The following CADM1 variants were observed in gnomAD, a reference collection of about 807,000 sequenced individuals.
CADM1 encodes the protein cell adhesion molecule 1, also known as TSLC-1.
CADM1 carries 15 observed loss-of-function variants against 53.1 expected under a neutral mutation model. The observed-to-expected ratio is 0.28, with a 90% CI of 0.19 to 0.44. The LOEUF (loss-of-function observed/expected upper bound fraction) is 0.44. Ranked by LOEUF, CADM1 falls within the 20% of genes least tolerant of loss-of-function variation. The probability of loss-of-function intolerance (pLI) is 1.00; values close to 1 mark genes in which losing one functional copy is unlikely to be tolerated. For synonymous variants in CADM1, 281 were observed against 243.0 expected (o/e 1.16, Z -1.45); for missense variants, 434 against 611.3 (o/e 0.71, Z 3.06).
At position 115,253,871 on chromosome 11, in the gene CADM1, ATT is replaced by A. The variant is rs1942688449; in HGVS notation, c.125-13453_125-13452del. On this transcript the variant is annotated intron_variant, in intron 1 of 11. Transcript: ENST00000331581. ...TCATTACATGGATAGCTCTGTGATTATTTGTTTATAGGGTTATTTCCTTCATT... is the reference window on the plus strand; with the variant it reads ...TCATTACATGGATAGCTCTGTGATTATGTTTATAGGGTTATTTCCTTCATT... Among the ~76,000 whole-genome samples the A allele has an allele frequency of 4.6e-5, 7 of 152,264 alleles. No homozygotes were observed. In the South Asian group the frequency reaches 1.5e-3, roughly 32 times the overall value.
intron 5 of CADM1, among the ~76,000 whole-genome samples, chr11:115,226,296 T>C (rs184043015): frequency 6.6e-6 from 1 of 152,310 alleles, no homozygotes; most frequent in African/African-American, 2.4e-5. Context: ...AGATGATGCA[T>C]GAACATGGCA....
intron 1 of CADM1, among the ~76,000 whole-genome samples, chr11:115,280,678 T>A (rs551579427): frequency 6.6e-6 from 1 of 152,308 alleles, no homozygotes; most frequent in South Asian, 2.1e-4. Flanking sequence ...ACGACTCAGA[T>A]CTTCACAGAT....
intron 7 of CADM1, among the ~76,000 whole-genome samples, chr11:115,210,529 A>C (rs1158007972): frequency 6.6e-6 from 1 of 152,202 alleles, no homozygotes; most frequent in South Asian, 2.1e-4. Flanking sequence ...AAGAGAAAAA[A>C]AAATTCTAAG....
At chr11:115,390,343 T>C (rs1434904290) in intron 1 of CADM1, among the ~76,000 whole-genome samples, 2 of 151,346 alleles carry the variant, frequency 1.3e-5, no homozygotes, top group Non-Finnish European at 1.5e-5. Context: ...AATGGTGATA[T>C]TCACTGAGAG....
At chr11:115,295,957 T>C (rs1342625060) in intron 1 of CADM1, among the ~76,000 whole-genome samples, 1 of 152,154 alleles carries the variant, frequency 6.6e-6, no homozygotes, top group Non-Finnish European at 1.5e-5. Flanking sequence ...TCTTTTCTTA[T>C]ATATTTTTTA....
At position 115,231,593 on chromosome 11, in the gene CADM1, C is replaced by A. The variant is rs140849323; in HGVS notation, c.425-103G>T. 58 of 1,094,638 alleles carry A rather than the reference C, an allele frequency of 5.3e-5. No individual in the cohort carries two copies. In the East Asian group the frequency reaches 1.1e-3, roughly 21 times the overall value. 67.8% of individuals were successfully genotyped at this position (1,094,638 alleles called of 1,614,324 possible). A position where few individuals can be genotyped will look rare whatever the true frequency, so the allele number is the denominator to read the frequency against. On this transcript the variant is annotated intron_variant, in intron 3 of 11. Transcript: ENST00000331581. ...AGACATTCCTGATGGGAATTTAAAT[C>A]ATCACAAGAGGCGAAAAAGAAATAC...
At chr11:115,223,912 TA>T (rs1456681141) in intron 5 of CADM1, among the ~76,000 whole-genome samples, 8 of 131,400 alleles carry the variant, frequency 6.1e-5, no homozygotes, top group Admixed American at 2.5e-4. Context: ...TTCACTGCTT[TA>T]AAAAAAAAAT....
intron 1 of CADM1, among the ~76,000 whole-genome samples, chr11:115,380,708 C>A (rs935898627): frequency 1.7e-4 from 26 of 152,200 alleles, no homozygotes; most frequent in African/African-American, 6.0e-4. Context: ...ACAGTGAGAA[C>A]ACCATAATTA....
chr11:115,205,666 T>C (rs576462216), intron 8 of CADM1, among the ~76,000 whole-genome samples: 38 of 152,020 alleles, frequency 2.5e-4, no homozygotes, highest in African/African-American at 8.9e-4. Flanking sequence ...ACACGGACAA[T>C]TTGACACAAT....
chr11:115,296,354 G>A (rs1421631395), intron 1 of CADM1, among the ~76,000 whole-genome samples: 1 of 152,132 alleles, frequency 6.6e-6, no homozygotes, highest in Non-Finnish European at 1.5e-5. Context: ...TTGAAATCTG[G>A]TCCCCAGTGT....
Position 115,315,541 on chromosome 11 carries a change from G to T in CADM1, c.125-75121C>A, listed in dbSNP as rs564786722. Among the ~76,000 whole-genome samples the T allele has an allele frequency of 1.7e-3, 265 of 152,026 alleles. 4 individuals are homozygous for T. The highest frequency in any genetic ancestry group is 6.1e-3 in the African/African-American group (253 of 41,470). Reference sequence around the variant, plus strand: ...AGAAACTTTTTTTTCCCCTCTCATTGCAGATTGTTAAATTCACATGGCCAC... The same window carrying T: ...AGAAACTTTTTTTTCCCCTCTCATTTCAGATTGTTAAATTCACATGGCCAC... On this transcript the variant is annotated intron_variant, in intron 1 of 11. Coordinates refer to ENST00000331581, the MANE Select transcript of CADM1 (RefSeq NM_001301043.2).
chr11:115,369,627 G>T (rs1448341653), intron 1 of CADM1, among the ~76,000 whole-genome samples: 7 of 152,100 alleles, frequency 4.6e-5, no homozygotes, highest in African/African-American at 1.4e-4. Flanking sequence ...AGGGCATATT[G>T]GCATCCTGGA....
chr11:115,456,219 T>C (rs2135361938), intron 1 of CADM1, among the ~76,000 whole-genome samples: 1 of 152,102 alleles, frequency 6.6e-6, no homozygotes, highest in East Asian at 1.9e-4. Flanking sequence ...ACTGGGTAGA[T>C]GAGGCAATTA....
At chr11:115,317,081 C>T (rs372215481) in intron 1 of CADM1, among the ~76,000 whole-genome samples, 4 of 152,018 alleles carry the variant, frequency 2.6e-5, no homozygotes, top group East Asian at 1.9e-4. Context: ...TTTAAGAAGG[C>T]GGAAAAAACG....
At chr11:115,356,126 C>G (rs188334791) in intron 1 of CADM1, among the ~76,000 whole-genome samples, 2 of 152,018 alleles carry the variant, frequency 1.3e-5, no homozygotes, top group East Asian at 1.9e-4. Context: ...CTACCGCGCC[C>G]GGCTGAGGTA....
At chr11:115,503,868 C>T (rs2135453102) in intron 1 of CADM1, among the ~76,000 whole-genome samples, 1 of 152,158 alleles carries the variant, frequency 6.6e-6, no homozygotes, top group African/African-American at 2.4e-5. Flanking sequence ...AATGGACAGC[C>T]CTGGGAGGTG....
chr11:115,330,027 G>T (rs1223308729), intron 1 of CADM1, among the ~76,000 whole-genome samples: 3 of 151,354 alleles, frequency 2.0e-5, no homozygotes, highest in African/African-American at 4.9e-5. Context: ...GTACAGGATA[G>T]AGGGGTGCAG....
rs1286694560 is a variant in CADM1 at position 115,173,777 on chromosome 11, T to C, written c.*2697A>G. 14 of 984,392 alleles carry C rather than the reference T, an allele frequency of 1.4e-5. No individual in the cohort carries two copies. Among genetic ancestry groups the C allele is most frequent in the Non-Finnish European group, 1.7e-5 (14 of 829,050 alleles). 61.0% of individuals were successfully genotyped at this position (984,392 alleles called of 1,614,324 possible). A position where few individuals can be genotyped will look rare whatever the true frequency, so the allele number is the denominator to read the frequency against. On this transcript the variant is annotated 3_prime_UTR_variant, in exon 12 of 12. Coordinates refer to ENST00000331581, the MANE Select transcript of CADM1 (RefSeq NM_001301043.2). ...TATGGAGTTTCTTACACTGTAACAT[T>C]GTCCATGTACACCTTAAAAACAGAA... is the stretch of plus-strand genomic sequence containing the variant.
chr11:115,178,241 G>A (rs990440795), intron 11 of CADM1, among the ~76,000 whole-genome samples: 3 of 152,142 alleles, frequency 2.0e-5, no homozygotes, highest in African/African-American at 7.2e-5. Flanking sequence ...GGGGATAGGG[G>A]GAAATCCTCT....
Sources: allele counts gnomAD v4.1 joint callset (sites outside exome capture counted in the v4.1 genomes callset), GRCh38; gene constraint gnomAD v4.1.1; transcripts MANE v1.5; gene names NCBI Gene and HGNC (gene_info 2026-07-23, HGNC 2026-07-21).